LINGO2: variants seen among roughly 807,000 people sequenced by gnomAD.
LINGO2 encodes the protein leucine rich repeat and Ig domain containing 2, also known as leucine-rich repeat and immunoglobulin-like domain-containing nogo receptor-interacting protein 2.
Under a neutral mutation model 30.6 loss-of-function variants are expected in LINGO2, and 14 were observed. The ratio of observed to expected loss-of-function variants is 0.46; its 90% CI spans 0.30 to 0.72. LINGO2 has a LOEUF of 0.72. Among genes scored for constraint, LINGO2 ranks in the 30% least tolerant of loss-of-function variants. The pLI is 0.07. For synonymous variants in LINGO2, 317 were observed against 288.5 expected (o/e 1.10, Z -1.00); for missense variants, 729 against 751.7 (o/e 0.97, Z 0.35).
At chr9:28,960,620 T>TGGCCA in the LINGO2 span, among the ~76,000 whole-genome samples, 1 of 144,356 alleles carries the variant, frequency 6.9e-6, no homozygotes, top group Non-Finnish European at 1.5e-5. Context: ...TATGTATAAT[T>TGGCCA]GTCACTTTAA....
intron 4 of LINGO2, among the ~76,000 whole-genome samples, chr9:28,087,255 C>A (rs1049871611): frequency 2.0e-5 from 3 of 152,048 alleles, no homozygotes; most frequent in African/African-American, 7.2e-5. Context: ...AAGTGCCCAG[C>A]TGACCCATAG....
At chr9:28,287,846 G>A (rs1823572970) in intron 4 of LINGO2, among the ~76,000 whole-genome samples, 1 of 152,144 alleles carries the variant, frequency 6.6e-6, no homozygotes, top group Non-Finnish European at 1.5e-5. Context: ...AAACACACAA[G>A]CTCTTTTCAT....
At chr9:28,894,826 A>G in the LINGO2 span, among the ~76,000 whole-genome samples, 1 of 152,110 alleles carries the variant, frequency 6.6e-6, no homozygotes, top group African/African-American at 2.4e-5. Context: ...TAATCAACAT[A>G]TGAATTACTT....
chr9:28,623,753 G>T (rs963110379), intron 1 of LINGO2, among the ~76,000 whole-genome samples: 3 of 151,842 alleles, frequency 2.0e-5, no homozygotes, highest in Non-Finnish European at 4.4e-5. Context: ...TATTTTGATA[G>T]GAATTGCATT....
chr9:28,217,613 C>T (rs1271488154), intron 4 of LINGO2, among the ~76,000 whole-genome samples: 1 of 151,864 alleles, frequency 6.6e-6, no homozygotes, highest in African/African-American at 2.4e-5. Context: ...TTTTCTTCTT[C>T]TAATGTCCTT....
chr9:28,291,622 T>C (rs528845266), intron 4 of LINGO2, among the ~76,000 whole-genome samples: 1 of 152,252 alleles, frequency 6.6e-6, no homozygotes, highest in Non-Finnish European at 1.5e-5. Context: ...AAAGGATGAA[T>C]GAATTTGAAG....
At chr9:28,773,366 G>T in the LINGO2 span, among the ~76,000 whole-genome samples, 1 of 132,230 alleles carries the variant, frequency 7.6e-6, no homozygotes, top group Non-Finnish European at 1.6e-5. Context: ...CTCCATCTCA[G>T]AAAAAAAAAA....
At chr9:28,226,413 T>A (rs1229640957) in intron 4 of LINGO2, among the ~76,000 whole-genome samples, 2 of 152,022 alleles carry the variant, frequency 1.3e-5, no homozygotes, top group Non-Finnish European at 2.9e-5. Flanking sequence ...TCCATTACAG[T>A]ATGTTACATA....
chr9:28,720,255 C>G, the LINGO2 span, among the ~76,000 whole-genome samples: 1 of 152,004 alleles, frequency 6.6e-6, no homozygotes. Context: ...ATTCACTCTA[C>G]GTTTTAGCCA....
chr9:28,617,465 T>C (rs1218335677), intron 1 of LINGO2, among the ~76,000 whole-genome samples: 1 of 151,992 alleles, frequency 6.6e-6, no homozygotes, highest in Non-Finnish European at 1.5e-5. Flanking sequence ...CTGGCTAATT[T>C]TTTGTATTTT....
chr9:28,722,944 C>G, the LINGO2 span, among the ~76,000 whole-genome samples: 1,059 of 152,202 alleles, frequency 7.0e-3, 17 homozygotes, highest in African/African-American at 0.024. Context: ...ATGATGCTGC[C>G]TGTGGTTCAC....
intron 1 of LINGO2, among the ~76,000 whole-genome samples, chr9:28,569,224 T>C (rs1823549287): frequency 6.6e-6 from 1 of 151,866 alleles, no homozygotes; most frequent in East Asian, 1.9e-4. Flanking sequence ...TAGAAAACAG[T>C]ATGGAGGTTC....
At chr9:28,547,164 T>C (rs1016809931) in intron 1 of LINGO2, among the ~76,000 whole-genome samples, 2 of 152,148 alleles carry the variant, frequency 1.3e-5, no homozygotes, top group African/African-American at 4.8e-5. Context: ...TTACGTTGTT[T>C]ACCAGCTAGT....
At chr9:28,277,438 A>G (rs560783715) in intron 4 of LINGO2, among the ~76,000 whole-genome samples, 3 of 152,246 alleles carry the variant, frequency 2.0e-5, no homozygotes, top group South Asian at 2.1e-4. Context: ...AATTAGGCCA[A>G]TTAGTAACTC....
At chr9:28,459,580 T>C (rs1824991667) in intron 2 of LINGO2, among the ~76,000 whole-genome samples, 1 of 152,074 alleles carries the variant, frequency 6.6e-6, no homozygotes, top group African/African-American at 2.4e-5. Context: ...TTAGTATGAA[T>C]ATTAATATGG....
intron 2 of LINGO2, among the ~76,000 whole-genome samples, chr9:28,449,490 A>G (rs999398271): frequency 3.9e-5 from 6 of 152,090 alleles, no homozygotes; most frequent in Admixed American, 3.3e-4. Flanking sequence ...TCTTTTGAAT[A>G]CTGAGTACTG....
intron 3 of LINGO2, among the ~76,000 whole-genome samples, chr9:28,303,507 T>C (rs1032108306): frequency 2.6e-5 from 4 of 152,104 alleles, no homozygotes; most frequent in Non-Finnish European, 1.5e-5. Context: ...CCTCATGCAG[T>C]TGAAAATTTG....
intron 1 of LINGO2, among the ~76,000 whole-genome samples, chr9:28,534,260 G>A (rs528943978): frequency 1.3e-5 from 2 of 152,210 alleles, no homozygotes; most frequent in South Asian, 2.1e-4. Context: ...GGGCTGAAGT[G>A]ATCCTTCCAC....
chr9:28,209,745 A>G (rs1029283529), intron 4 of LINGO2, among the ~76,000 whole-genome samples: 3 of 151,810 alleles, frequency 2.0e-5, no homozygotes, highest in Non-Finnish European at 4.4e-5. Flanking sequence ...GTTCTAGAAT[A>G]TACCAGGAGT....
Sources: gnomAD v4.1 joint callset for allele counts (sites outside exome capture counted in the v4.1 genomes callset) on GRCh38, gnomAD v4.1.1 for gene constraint, MANE v1.5 for transcripts, NCBI Gene and HGNC (gene_info 2026-07-23, HGNC 2026-07-21) for gene names.